The following IMPG2 variants were observed in gnomAD, a reference collection of about 807,000 sequenced individuals.
The protein encoded by IMPG2 is IPM 200.
In IMPG2, 91 loss-of-function variants were observed where a neutral mutation model predicts 129.2. The ratio of observed to expected loss-of-function variants is 0.70; its 90% CI spans 0.59 to 0.84. The LOEUF (loss-of-function observed/expected upper bound fraction) is 0.84. Among genes scored for constraint, IMPG2 ranks in the 40% least tolerant of loss-of-function variants. IMPG2 has a pLI of 0.00. For missense variants in IMPG2, 1,430 were observed against 1,461.7 expected (o/e 0.98, Z 0.35); for synonymous variants, 510 against 517.7 (o/e 0.99, Z 0.20).
intron 18 of IMPG2, 98 bp from the exon 19 acceptor site, chr3:101,227,079 C>A: frequency 7.8e-7 from 1 of 1,284,694 alleles, no homozygotes; most frequent in Non-Finnish European, 1.1e-6. Context: ...CTCCTAAAAT[C>A]ATGAATACTT....
chr3:101,229,138 C>CA (rs36091939), intron 17 of IMPG2, among the ~76,000 whole-genome samples: 1,891 of 132,892 alleles, frequency 0.014, 34 homozygotes, highest in African/African-American at 0.043. Flanking sequence ...GTTAATAACG[C>CA]AAAAAAAAAA....
At chr3:101,316,591 A>G (rs1347144988) in intron 2 of IMPG2, among the ~76,000 whole-genome samples, 1 of 152,124 alleles carries the variant, frequency 6.6e-6, no homozygotes, top group Admixed American at 6.6e-5. Flanking sequence ...GGCTAAAGTT[A>G]AAAAAGACCA....
Position 101,246,002 on chromosome 3 carries a change from T to A in IMPG2, c.1343A>T (p.Glu448Val). 5 of 1,614,156 alleles carry A rather than the reference T, an allele frequency of 3.1e-6. No homozygotes were observed. Among genetic ancestry groups the A allele is most frequent in the Non-Finnish European group, 4.2e-6 (5 of 1,180,004 alleles). ...SSGPPSATGRELWSESPLGDL... is the reference protein window; with the variant it reads ...SSGPPSATGRVLWSESPLGDL... ...ACCCAAAGGACTTTCTGACCAGAGTTCCCTGCCAGTGGCTGAGGGAGGACC... is the reference window on the plus strand; with the variant it reads ...ACCCAAAGGACTTTCTGACCAGAGTACCCTGCCAGTGGCTGAGGGAGGACC... The change falls in exon 12 of 19, where the codon GAA becomes GTA. Residue 448 changes from glutamate to valine, a missense_variant. By Grantham distance (121) the Glu-to-Val change is moderately radical (BLOSUM62 -2). Transcript: ENST00000193391.
In IMPG2 at chr3:101,304,267, C is replaced by T. The variant is rs766305807; in HGVS notation, c.380G>A (p.Arg127Gln). 6.2e-6 allele frequency: 10 copies of T among 1,613,882 alleles called. No homozygotes were observed. The highest frequency in any genetic ancestry group is 5.0e-5 in the Admixed American group (3 of 60,012). ...VWEAFRTFWD[R>Q]LPGREEYHYW... ...ATGATATTCCTCACGCCCAGGAAGT[C>T]GATCCCAAAAAGTCCTGAAGGCTTC... is the stretch of plus-strand genomic sequence containing the variant. Residue 127 changes from arginine (R) to glutamine (Q), a missense_variant, in exon 3 of 19, where the codon CGA (arginine) becomes CAA (glutamine). Coordinates refer to ENST00000193391, the MANE Select transcript of IMPG2 (RefSeq NM_016247.4).
intron 14 of IMPG2, among the ~76,000 whole-genome samples, chr3:101,235,981 G>A (rs1706341532): frequency 6.6e-6 from 1 of 152,186 alleles, no homozygotes; most frequent in Non-Finnish European, 1.5e-5. Flanking sequence ...TTTAAGGATG[G>A]TTATGCCTAA....
At position 101,232,962 on chromosome 3, in the gene IMPG2, C is replaced by T. The variant is rs1482084690; in HGVS notation, c.3052G>A (p.Ala1018Thr). 1.2e-6 allele frequency: 2 copies of T among 1,613,870 alleles called. No individual in the cohort carries two copies. The highest frequency in any genetic ancestry group is 1.7e-6 in the Non-Finnish European group (2 of 1,180,016). The change falls in exon 15 of 19, where the codon GCC (alanine) becomes ACC (threonine). Residue 1018 changes from alanine to threonine, a missense_variant. Transcript: ENST00000193391. ...AGACACTCTGAAAATTCATTACAGG[C>T]CTGAAACTTGCAAGGGTTGGCTTCA... ...GDEANPCKFQ[A>T]CNEFSECLVN...
chr3:101,312,500 T>A (rs1266749810), intron 2 of IMPG2, among the ~76,000 whole-genome samples: 1 of 151,940 alleles, frequency 6.6e-6, no homozygotes. Context: ...ATGGTTATAC[T>A]TTTTTTAAAA....
chr3:101,226,957 C>G lies in IMPG2; in HGVS notation c.*12G>C. The G allele has an allele frequency of 6.2e-7, 1 of 1,613,176 alleles. No individual in the cohort carries two copies. The highest frequency in any genetic ancestry group is 1.3e-5 in the African/African-American group (1 of 74,976). On this transcript the variant is annotated 3_prime_UTR_variant, in exon 19 of 19. Coordinates refer to ENST00000193391, the MANE Select transcript of IMPG2 (RefSeq NM_016247.4). ...TCCAGGCTTCTAATCAGTTTCAGAACAGGAGTTTTGGTTAAACCTCTTCCC... is the reference window on the plus strand; with the variant it reads ...TCCAGGCTTCTAATCAGTTTCAGAAGAGGAGTTTTGGTTAAACCTCTTCCC...
At chr3:101,270,125 C>T (rs568338021) in intron 7 of IMPG2, among the ~76,000 whole-genome samples, 2 of 151,606 alleles carry the variant, frequency 1.3e-5, no homozygotes, top group Non-Finnish European at 3.0e-5. Flanking sequence ...TTACTAGAGG[C>T]GGGGTTTCAC....
intron 2 of IMPG2, among the ~76,000 whole-genome samples, chr3:101,312,745 G>A (rs988893447): frequency 2.0e-5 from 3 of 151,982 alleles, no homozygotes; most frequent in Admixed American, 2.0e-4. Flanking sequence ...AAATATTATT[G>A]GACCATAAAA....
chr3:101,229,300 A>ACCCCCCCCCCCCCCCCCCCGCCC, intron 17 of IMPG2, 80 bp downstream of exon 17: 1 of 859,118 alleles, frequency 1.2e-6, no homozygotes, highest in Non-Finnish European at 1.9e-6. Context: ...ACTCATACAC[A>ACCCCCCCCCCCCCCCCCCCGCCC]CCCCCACCCA....
intron 4 of IMPG2, among the ~76,000 whole-genome samples, chr3:101,283,597 A>G (rs1296119453): frequency 6.6e-6 from 1 of 152,234 alleles, no homozygotes; most frequent in Non-Finnish European, 1.5e-5. Context: ...GCCAGAAGCC[A>G]CAGAGTAGAC....
chr3:101,303,701 C>T (rs947710633), intron 3 of IMPG2, among the ~76,000 whole-genome samples: 2 of 152,152 alleles, frequency 1.3e-5, no homozygotes, highest in South Asian at 4.1e-4. Context: ...AGAATCATAC[C>T]TATGCCTCAC....
In IMPG2 at chr3:101,244,742, G is replaced by T. The variant is rs1472199114; in HGVS notation, c.1589C>A (p.Ser530Ter). 1.2e-6 allele frequency: 2 copies of T among 1,613,988 alleles called. No individual in the cohort carries two copies. Among genetic ancestry groups the T allele is most frequent in the East Asian group, 2.2e-5 (1 of 44,868 alleles). ...EESEDFLSID[S>*]LPSSSFTQPV... ...TTGAGTGAATGAACTTGAAGGCAAT[G>T]AATCAATAGAAAGAAAATCTTCTGA... Residue 530 changes from serine (S) to a stop codon, truncating the protein, a stop_gained, in exon 13 of 19, where the codon TCA (serine) becomes TAA (stop). Coordinates refer to ENST00000193391, the MANE Select transcript of IMPG2 (RefSeq NM_016247.4). LOFTEE classifies it high-confidence loss of function.
intron 18 of IMPG2, 31 bp from the exon 19 acceptor site, chr3:101,227,012 A>C (rs184993326): frequency 6.5e-7 from 1 of 1,550,152 alleles, no homozygotes; most frequent in Non-Finnish European, 8.8e-7. Context: ...GCAATTCAGT[A>C]AAAAAAAAGC....
chr3:101,283,023 T>A (rs1265908799), intron 4 of IMPG2, among the ~76,000 whole-genome samples: 2 of 152,186 alleles, frequency 1.3e-5, no homozygotes, highest in African/African-American at 4.8e-5. Context: ...ATTAGTTTAC[T>A]TTTTGTTTGT....
intron 14 of IMPG2, among the ~76,000 whole-genome samples, chr3:101,239,915 G>A (rs1706388422): frequency 6.6e-6 from 1 of 152,238 alleles, no homozygotes; most frequent in East Asian, 1.9e-4. Context: ...ATGGGGGCCT[G>A]TCAGGGGTGG....
chr3:101,246,321 T>G (rs146815105), intron 11 of IMPG2, among the ~76,000 whole-genome samples: 9 of 152,106 alleles, frequency 5.9e-5, no homozygotes, highest in African/African-American at 2.2e-4. Context: ...ACCTCTCACC[T>G]GAAAACCAAG....
intron 2 of IMPG2, among the ~76,000 whole-genome samples, chr3:101,310,998 A>G (rs1207670288): frequency 1.3e-5 from 2 of 152,154 alleles, no homozygotes; most frequent in African/African-American, 2.4e-5. Flanking sequence ...CTTGTAGTCT[A>G]TTCAAATTCA....
Sources: allele counts gnomAD v4.1 joint callset (sites outside exome capture counted in the v4.1 genomes callset), GRCh38; gene constraint gnomAD v4.1.1; transcripts MANE v1.5; gene names NCBI Gene and HGNC (gene_info 2026-07-23, HGNC 2026-07-21).